Variants in TMEM163 observed in about 807,000 individuals in gnomAD.
TMEM163 encodes transmembrane protein 163.
Under a neutral mutation model 29.3 loss-of-function variants are expected in TMEM163, and 17 were observed. That is an observed-to-expected ratio of 0.58 (90% CI 0.40 to 0.87). The LOEUF is 0.87. Ranked by LOEUF, TMEM163 falls within the 40% of genes least tolerant of loss-of-function variation. TMEM163 has a pLI of 0.00. For synonymous variants in TMEM163, 157 were observed against 160.6 expected, an observed-to-expected ratio of 0.98 and a Z score of 0.17; for missense variants, 303 against 381.5, an observed-to-expected ratio of 0.79 and a Z score of 1.71.
chr2:134,557,409 C>T (rs1681069413), intron 2 of TMEM163, among the ~76,000 whole-genome samples: 1 of 152,186 alleles, frequency 6.6e-6, no homozygotes, highest in Non-Finnish European at 1.5e-5. Flanking sequence ...ATGTTAAAGA[C>T]ATGCCCATGA....
chr2:134,603,683 G>A (rs1177474107), intron 2 of TMEM163, among the ~76,000 whole-genome samples: 1 of 152,136 alleles, frequency 6.6e-6, no homozygotes, highest in Non-Finnish European at 1.5e-5. Context: ...GTTGTATCCT[G>A]CCTGGCAGGG....
intron 2 of TMEM163, among the ~76,000 whole-genome samples, chr2:134,678,153 G>A (rs915492560): frequency 3.9e-5 from 6 of 152,192 alleles, no homozygotes; most frequent in Admixed American, 1.3e-4. Flanking sequence ...ATTTAAAGTC[G>A]TTTTTATCAC....
intron 2 of TMEM163, among the ~76,000 whole-genome samples, chr2:134,638,224 C>T (rs191499259): frequency 5.6e-4 from 85 of 152,220 alleles, no homozygotes; most frequent in Admixed American, 1.3e-3. Context: ...ATTACTCTAC[C>T]GTAATTTATT....
intron 4 of TMEM163, among the ~76,000 whole-genome samples, chr2:134,519,310 C>T (rs1450013494): frequency 6.6e-6 from 1 of 152,178 alleles, no homozygotes; most frequent in East Asian, 1.9e-4. Flanking sequence ...TCTTTAAAAC[C>T]TTCTACAGCT....
chr2:134,551,818 G>A (rs976406075), intron 3 of TMEM163, among the ~76,000 whole-genome samples: 3 of 152,346 alleles, frequency 2.0e-5, no homozygotes, highest in African/African-American at 7.2e-5. Context: ...ACCCAACCAC[G>A]TTGTGGGAAA....
At chr2:134,457,943 G>T in intron 7 of TMEM163, 89 bp downstream of exon 7, 1 of 1,586,264 alleles carries the variant, frequency 6.3e-7, no homozygotes, top group East Asian at 2.2e-5. Flanking sequence ...ATGACCTTCA[G>T]AAGCCTGTCA....
chr2:134,504,552 C>A (rs1679778909), intron 4 of TMEM163, among the ~76,000 whole-genome samples: 1 of 152,044 alleles, frequency 6.6e-6, no homozygotes, highest in African/African-American at 2.4e-5. Context: ...GGAATGGACT[C>A]AACTGTAACT....
intron 5 of TMEM163, among the ~76,000 whole-genome samples, chr2:134,473,535 CAA>C (rs59806390): frequency 1.6e-4 from 17 of 103,798 alleles, no homozygotes; most frequent in Middle Eastern, 6.2e-3. Context: ...AACTCTGTCT[CAA>C]AAAAAAAAAA....
intron 4 of TMEM163, among the ~76,000 whole-genome samples, chr2:134,528,728 T>C (rs1680348012): frequency 6.7e-6 from 1 of 149,226 alleles, no homozygotes; most frequent in African/African-American, 2.4e-5. Flanking sequence ...TCAATCTCAG[T>C]GGACAATTTA....
At chr2:134,619,523 C>G (rs925684414) in intron 2 of TMEM163, among the ~76,000 whole-genome samples, 2 of 152,142 alleles carry the variant, frequency 1.3e-5, no homozygotes, top group African/African-American at 4.8e-5. Flanking sequence ...TCAGTAGATG[C>G]AGAAAGAGTA....
At chr2:134,622,510 A>T (rs892768169) in intron 2 of TMEM163, among the ~76,000 whole-genome samples, 2 of 152,206 alleles carry the variant, frequency 1.3e-5, no homozygotes, top group African/African-American at 4.8e-5. Context: ...ATTTGGCTTC[A>T]GTGTGCATAA....
chr2:134,532,491 T>TA (rs1336932951), intron 4 of TMEM163, among the ~76,000 whole-genome samples: 1 of 152,254 alleles, frequency 6.6e-6, no homozygotes, highest in African/African-American at 2.4e-5. Flanking sequence ...CCTTTGCTTT[T>TA]GATAGGATAT....
chr2:134,541,772 GCACACACACACACA>G (rs57326163), intron 4 of TMEM163, among the ~76,000 whole-genome samples: 33 of 150,100 alleles, frequency 2.2e-4, no homozygotes, highest in Non-Finnish European at 1.0e-4. Flanking sequence ...GTACACACGT[GCACACACACACACA>G]CACACACACA....
chr2:134,692,946 C>G lies in TMEM163; in HGVS notation c.322+20254G>C, dbSNP rs528802597. 7.2e-5 allele frequency among the ~76,000 whole-genome samples: 11 copies of G among 152,280 alleles called. 1 individual carries two copies. The highest frequency in any genetic ancestry group is 7.2e-4 in the Admixed American group (11 of 15,294). ...TCATTGCCCTAAAGCAAAACACTCC[C>G]AAATCCATCTTTCTTCCAGCACCTC... is the stretch of plus-strand genomic sequence containing the variant. On this transcript the variant is annotated intron_variant, in intron 2 of 7. Coordinates refer to ENST00000281924, the MANE Select transcript of TMEM163 (RefSeq NM_030923.5).
At chr2:134,605,109 G>A (rs535940539) in intron 2 of TMEM163, among the ~76,000 whole-genome samples, 43 of 151,782 alleles carry the variant, frequency 2.8e-4, no homozygotes, top group South Asian at 8.3e-4. Flanking sequence ...CCTGGGAAGC[G>A]GAGGTTACAG....
intron 4 of TMEM163, among the ~76,000 whole-genome samples, chr2:134,535,080 C>T (rs1371521285): frequency 6.6e-6 from 1 of 152,226 alleles, no homozygotes; most frequent in East Asian, 1.9e-4. Context: ...GATTCTAACA[C>T]ATGTCCTCAT....
chr2:134,512,930 C>T (rs949652246), intron 4 of TMEM163, among the ~76,000 whole-genome samples: 3 of 152,094 alleles, frequency 2.0e-5, no homozygotes, highest in African/African-American at 7.2e-5. Flanking sequence ...GTGTGACAAA[C>T]AATATCATGA....
chr2:134,493,051 A>G (rs952659535), intron 5 of TMEM163, among the ~76,000 whole-genome samples: 15 of 152,118 alleles, frequency 9.9e-5, no homozygotes, highest in African/African-American at 3.6e-4. Context: ...ATTGTAATGG[A>G]TATGTAGTGG....
At chr2:134,481,759 C>G (rs1444803852) in intron 5 of TMEM163, among the ~76,000 whole-genome samples, 1 of 150,516 alleles carries the variant, frequency 6.6e-6, no homozygotes, top group East Asian at 2.0e-4. Flanking sequence ...CATCTCCCTT[C>G]ATGACATCTA....
Sources: allele counts gnomAD v4.1 joint callset (sites outside exome capture counted in the v4.1 genomes callset), GRCh38; gene constraint gnomAD v4.1.1; transcripts MANE v1.5; gene names NCBI Gene and HGNC (gene_info 2026-07-23, HGNC 2026-07-21).